The following ATAD2B variants were observed in gnomAD, a reference collection of about 807,000 sequenced individuals.
ATAD2B encodes the protein ATPase family AAA domain-containing protein 2B.
A neutral mutation model predicts 167.6 loss-of-function variants in ATAD2B; 40 were observed. The ratio of observed to expected loss-of-function variants is 0.24; its 90% CI spans 0.19 to 0.31. The LOEUF is 0.31. Among genes scored for constraint, ATAD2B ranks in the 10% least tolerant of loss-of-function variants. The pLI is 1.00. For missense variants in ATAD2B, 1,242 were observed against 1,757.2 expected (o/e 0.71, Z 5.24); for synonymous variants, 579 against 596.5 (o/e 0.97, Z 0.43).
At chr2:23,737,575 G>C in the ATAD2B span, among the ~76,000 whole-genome samples, 1,229 of 152,124 alleles carry the variant, frequency 8.1e-3, 10 homozygotes, top group African/African-American at 0.02. Context: ...ACCAAAAGTA[G>C]ATAAAACCAC....
chr2:23,818,141 CAG>C (rs746020532), intron 17 of ATAD2B, among the ~76,000 whole-genome samples: 946 of 94,422 alleles, frequency 0.01, 16 homozygotes, highest in East Asian at 0.029. Context: ...CACACACACA[CAG>C]AGAGAGAGAA....
intron 13 of ATAD2B, among the ~76,000 whole-genome samples, chr2:23,836,248 C>T (rs1336698880): frequency 6.6e-6 from 1 of 152,164 alleles, no homozygotes; most frequent in African/African-American, 2.4e-5. Context: ...GGTGTTGGCA[C>T]AGGTGCTGGC....
intron 18 of ATAD2B, among the ~76,000 whole-genome samples, chr2:23,808,033 T>C (rs1410273431): frequency 2.5e-5 from 1 of 39,896 alleles, no homozygotes; most frequent in African/African-American, 9.9e-5. Flanking sequence ...TTATTATATA[T>C]GTAATTTATT....
chr2:23,861,336 T>G (rs998732792), intron 12 of ATAD2B, among the ~76,000 whole-genome samples: 2 of 152,030 alleles, frequency 1.3e-5, no homozygotes, highest in Admixed American at 6.6e-5. Context: ...TTTGATTTAC[T>G]TAATGTTATA....
intron 1 of ATAD2B, among the ~76,000 whole-genome samples, chr2:23,920,114 G>C (rs1703689231): frequency 6.6e-6 from 1 of 150,582 alleles, no homozygotes; most frequent in South Asian, 2.1e-4. Context: ...TGGAGCCACT[G>C]TACTCCAGCC....
At chr2:23,740,963 G>C in the ATAD2B span, among the ~76,000 whole-genome samples, 1 of 152,108 alleles carries the variant, frequency 6.6e-6, no homozygotes, top group Non-Finnish European at 1.5e-5. Flanking sequence ...TTGCTTCAAA[G>C]AGAATAAAAT....
chr2:23,871,792 A>T (rs1573156694), intron 8 of ATAD2B, among the ~76,000 whole-genome samples: 1 of 151,564 alleles, frequency 6.6e-6, no homozygotes, highest in Non-Finnish European at 1.5e-5. Context: ...TCCTTAACCC[A>T]CCTCCTACTC....
the ATAD2B span, among the ~76,000 whole-genome samples, chr2:23,687,990 G>C: frequency 6.6e-6 from 1 of 152,118 alleles, no homozygotes; most frequent in African/African-American, 2.4e-5. Context: ...TGCCCCCCAT[G>C]GCCATGCAGA....
the ATAD2B span, chr2:23,703,385 A>G: frequency 6.7e-7 from 1 of 1,486,492 alleles, no homozygotes; most frequent in Admixed American, 2.3e-5. Flanking sequence ...GATTGGTGAG[A>G]ACCAGCGGTG....
chr2:23,696,562 A>G, the ATAD2B span: 1 of 1,406,892 alleles, frequency 7.1e-7, no homozygotes, highest in Non-Finnish European at 9.5e-7. The surrounding 1 kb of genome is among the most constrained non-coding windows in gnomAD (Gnocchi z 5.5). Context: ...CTCACCAAGA[A>G]CTGAAATCAC....
the ATAD2B span, among the ~76,000 whole-genome samples, chr2:23,727,744 A>G: frequency 6.6e-6 from 1 of 152,220 alleles, no homozygotes; most frequent in Admixed American, 6.5e-5. Flanking sequence ...AAAAGAAATG[A>G]GCTATCAAGC....
intron 2 of ATAD2B, among the ~76,000 whole-genome samples, chr2:23,890,495 C>T (rs1271221204): frequency 6.6e-6 from 1 of 152,176 alleles, no homozygotes; most frequent in Non-Finnish European, 1.5e-5. Context: ...GTTGTCATTA[C>T]ACAATGCATT....
chr2:23,878,504 A>G lies in ATAD2B; in HGVS notation c.901+2135T>C, dbSNP rs796140057. 8.0e-5 allele frequency among the ~76,000 whole-genome samples: 11 copies of G among 138,156 alleles called. 1 individual carries two copies. The highest frequency in any genetic ancestry group is 3.0e-4 in the African/African-American group (11 of 36,888). 90.6% of individuals were successfully genotyped at this position (138,156 alleles called of 152,430 possible). A position where few individuals can be genotyped will look rare whatever the true frequency, so the allele number is the denominator to read the frequency against. On this transcript the variant is annotated intron_variant, in intron 7 of 27. Transcript: ENST00000238789. ...AAACCCTGTCTCTACTAAAAACACA[A>G]AAAAATTAGCCAGGCGTGGTGGCAG... is the stretch of plus-strand genomic sequence containing the variant.
At chr2:23,799,392 G>C (rs567406011) in intron 18 of ATAD2B, among the ~76,000 whole-genome samples, 8 of 151,784 alleles carry the variant, frequency 5.3e-5, no homozygotes, top group Middle Eastern at 3.4e-3. Flanking sequence ...GTCCAACATG[G>C]TGAAATTCCA....
the ATAD2B span, chr2:23,707,334 C>T: frequency 6.6e-6 from 1 of 152,208 alleles, no homozygotes; most frequent in Non-Finnish European, 1.5e-5. Context: ...ATTGCGCTAG[C>T]TTTCTCTTAC....
chr2:23,903,483 C>G (rs577354445), intron 1 of ATAD2B, among the ~76,000 whole-genome samples: 2 of 152,154 alleles, frequency 1.3e-5, no homozygotes, highest in South Asian at 4.2e-4. Context: ...GAATAGATAA[C>G]TTTTTTCAAT....
At chr2:23,792,767 A>C (rs1383162414) in intron 19 of ATAD2B, among the ~76,000 whole-genome samples, 9 of 151,660 alleles carry the variant, frequency 5.9e-5, no homozygotes, top group Admixed American at 5.3e-4. Flanking sequence ...TCAAGACCAT[A>C]CTGGCTAACA....
chr2:23,858,515 A>G (rs1693813892), intron 12 of ATAD2B, among the ~76,000 whole-genome samples: 1 of 138,582 alleles, frequency 7.2e-6, no homozygotes, highest in Admixed American at 7.7e-5. Flanking sequence ...TTCTTCAGAC[A>G]GGGTCTTACT....
intron 1 of ATAD2B, among the ~76,000 whole-genome samples, chr2:23,909,519 T>C (rs1414444339): frequency 1.3e-5 from 2 of 151,778 alleles, no homozygotes; most frequent in Non-Finnish European, 2.9e-5. Context: ...ACACACACAT[T>C]GCACATGTAC....
Sources: gnomAD v4.1 joint callset for allele counts (sites outside exome capture counted in the v4.1 genomes callset) on GRCh38, gnomAD v4.1.1 for gene constraint, Gnocchi (gnomAD v3.1) non-coding constraint, MANE v1.5 for transcripts, NCBI Gene and HGNC (gene_info 2026-07-23, HGNC 2026-07-21) for gene names.